Variants in MAP4K4 observed in about 807,000 individuals in gnomAD.
MAP4K4 encodes the protein HPK/GCK-like kinase HGK.
A neutral mutation model predicts 189.6 loss-of-function variants in MAP4K4; 38 were observed. The ratio of observed to expected loss-of-function variants is 0.20; its 90% CI spans 0.15 to 0.26. The LOEUF is 0.26. Among genes scored for constraint, MAP4K4 ranks in the 10% least tolerant of loss-of-function variants. The pLI, the probability that MAP4K4 is intolerant of heterozygous loss-of-function variation, is 1.00. For synonymous variants in MAP4K4, 610 were observed against 624.3 expected, an observed-to-expected ratio of 0.98 and a Z score of 0.34; for missense variants, 1,054 against 1,726.9, an observed-to-expected ratio of 0.61 and a Z score of 6.91.
intron 22 of MAP4K4, 114 bp downstream of exon 22, chr2:101,869,911 G>A: frequency 7.3e-7 from 1 of 1,367,958 alleles, no homozygotes; most frequent in Non-Finnish European, 9.7e-7. Flanking sequence ...TTACTATGTA[G>A]TTCTCGTGGA....
intron 22 of MAP4K4, 133 bp from the exon 23 acceptor site, chr2:101,870,162 G>C: frequency 1.1e-6 from 1 of 880,030 alleles, no homozygotes; most frequent in Non-Finnish European, 1.7e-6. Context: ...AAGCTAAGCA[G>C]TTGCTTTTTT....
At position 101,790,765 on chromosome 2, in the gene MAP4K4, G is replaced by T. The variant is rs1250371319; in HGVS notation, c.169G>T (p.Asp57Tyr). The T allele has an allele frequency of 2.5e-6, 4 of 1,609,912 alleles. 1 individual carries two copies. In the South Asian group the frequency reaches 4.4e-5, roughly 18 times the overall value. Residue 57 changes from aspartate to tyrosine, a missense_variant, in exon 3 of 33, where the codon GAT becomes TAT. Asp to Tyr is a radical substitution (Grantham distance 160). Coordinates refer to ENST00000324219, the Ensembl canonical transcript of MAP4K4. Reference sequence around the variant, plus strand: ...TCAGTTGGCAGCCATCAAAGTTATGGATGTCACTGAGGTAAGATTGAGTCA... The same window carrying T: ...TCAGTTGGCAGCCATCAAAGTTATGTATGTCACTGAGGTAAGATTGAGTCA...
intron 13 of MAP4K4, among the ~76,000 whole-genome samples, chr2:101,856,540 T>C (rs1053614314): frequency 1.3e-5 from 2 of 152,144 alleles, no homozygotes; most frequent in Admixed American, 6.5e-5. Flanking sequence ...AGGAGAAATA[T>C]TTGAATATCC....
intron 2 of MAP4K4, among the ~76,000 whole-genome samples, chr2:101,705,139 C>G (rs1352742156): frequency 6.6e-6 from 1 of 152,074 alleles, no homozygotes; most frequent in East Asian, 1.9e-4. Flanking sequence ...ACTTTGTTAT[C>G]TAGATAGCAT....
intron 14 of MAP4K4, among the ~76,000 whole-genome samples, 155 bp downstream of exon 14, chr2:101,859,237 C>A (rs187376654): frequency 6.6e-6 from 1 of 152,340 alleles, no homozygotes; most frequent in African/African-American, 2.4e-5. Flanking sequence ...ATTGCTAGCA[C>A]ATTGCAACAT....
At chr2:101,833,338 T>C (rs2096643383) in intron 7 of MAP4K4, among the ~76,000 whole-genome samples, 1 of 152,186 alleles carries the variant, frequency 6.6e-6, no homozygotes, top group African/African-American at 2.4e-5. Context: ...TACCATCTGA[T>C]GGCCGGGCAT....
chr2:101,849,159 G>A (rs1411363771), intron 12 of MAP4K4, among the ~76,000 whole-genome samples: 1 of 152,186 alleles, frequency 6.6e-6, no homozygotes, highest in African/African-American at 2.4e-5. Flanking sequence ...GTTTTGCTGT[G>A]TCACCCAGGC....
chr2:101,846,323 T>C (rs998719686), intron 12 of MAP4K4, among the ~76,000 whole-genome samples: 6 of 152,200 alleles, frequency 3.9e-5, no homozygotes, highest in Non-Finnish European at 7.4e-5. Flanking sequence ...ACTCTGGCTG[T>C]TTCTAGTTGT....
At chr2:101,772,803 A>T (rs999305647) in intron 2 of MAP4K4, among the ~76,000 whole-genome samples, 3 of 152,194 alleles carry the variant, frequency 2.0e-5, no homozygotes, top group Non-Finnish European at 4.4e-5. Flanking sequence ...TAAACCTCAC[A>T]CACATGAGGA....
chr2:101,742,109 T>C (rs1293849100), intron 2 of MAP4K4, among the ~76,000 whole-genome samples: 1 of 152,162 alleles, frequency 6.6e-6, no homozygotes, highest in African/African-American at 2.4e-5. Context: ...TGGGCTCTAG[T>C]GGGTCATCTG....
chr2:101,824,359 A>G (rs1465833447), intron 4 of MAP4K4, among the ~76,000 whole-genome samples: 11 of 152,228 alleles, frequency 7.2e-5, no homozygotes, highest in African/African-American at 1.9e-4. Context: ...AAGCAATACA[A>G]TAAAAACTTT....
chr2:101,733,749 G>A (rs2059381813), intron 2 of MAP4K4, among the ~76,000 whole-genome samples: 1 of 152,232 alleles, frequency 6.6e-6, no homozygotes, highest in Admixed American at 6.5e-5. Flanking sequence ...GTGCCAGCCA[G>A]TGGTTCCCTT....
At chr2:101,784,934 C>A (rs548150171) in intron 2 of MAP4K4, among the ~76,000 whole-genome samples, 79 of 152,208 alleles carry the variant, frequency 5.2e-4, no homozygotes, top group African/African-American at 1.9e-3. Context: ...GATAATGATA[C>A]TTGCATTGTG....
intron 3 of MAP4K4, among the ~76,000 whole-genome samples, chr2:101,799,021 T>C (rs1240076738): frequency 3.9e-5 from 6 of 152,224 alleles, no homozygotes; most frequent in Non-Finnish European, 7.4e-5. Context: ...GAATTGTCAC[T>C]GAACTAATAA....
intron 2 of MAP4K4, among the ~76,000 whole-genome samples, chr2:101,778,404 TA>T (rs888972968): frequency 3.9e-5 from 6 of 152,064 alleles, no homozygotes; most frequent in Admixed American, 3.9e-4. Context: ...TCATTTCCTT[TA>T]CACTGATAGC....
Position 101,802,819 on chromosome 2 carries a change from C to G in MAP4K4, c.180+12043C>G, listed in dbSNP as rs528140474. On this transcript the variant is annotated intron_variant, in intron 3 of 32. Coordinates refer to ENST00000324219, the Ensembl canonical transcript of MAP4K4. ...TTTTTTTTTGAGATGGAGTTTTGCT[C>G]TTGTCACCCAGGCTGGCGTGCAATG... Among the ~76,000 whole-genome samples the G allele has an allele frequency of 8.2e-4, 124 of 152,010 alleles. 1 individual carries two copies. Among genetic ancestry groups the G allele is most frequent in the African/African-American group, 3.0e-3 (123 of 41,464 alleles).
chr2:101,824,485 T>A (rs550345208), intron 4 of MAP4K4, among the ~76,000 whole-genome samples: 4 of 152,328 alleles, frequency 2.6e-5, no homozygotes, highest in Non-Finnish European at 2.9e-5. Context: ...ATATTAATGA[T>A]AATAGTTAAA....
intron 2 of MAP4K4, among the ~76,000 whole-genome samples, chr2:101,714,477 T>TA (rs962715894): frequency 5.3e-5 from 8 of 152,188 alleles, no homozygotes; most frequent in Admixed American, 2.6e-4. Flanking sequence ...GACCCCTCCC[T>TA]ACACAGTGAG....
chr2:101,860,253 A>C (rs1367355615), intron 15 of MAP4K4: 1 of 305,542 alleles, frequency 3.3e-6, no homozygotes, highest in Non-Finnish European at 6.4e-6. Context: ...GCAGATGTCA[A>C]GATGCCCTGC....
Sources: gnomAD v4.1 joint callset for allele counts (sites outside exome capture counted in the v4.1 genomes callset) on GRCh38, gnomAD v4.1.1 for gene constraint, MANE v1.5 for transcripts, NCBI Gene and HGNC (gene_info 2026-07-23, HGNC 2026-07-21) for gene names.